NALF1: variants seen among roughly 807,000 people sequenced by gnomAD.
NALF1 encodes family with sequence similarity 155 member A.
NALF1 carries 3 observed loss-of-function variants against 48.4 expected under a neutral mutation model. The observed-to-expected ratio is 0.06, with a 90% CI of 0.03 to 0.16. The LOEUF (loss-of-function observed/expected upper bound fraction) is 0.16, where lower values mean the gene tolerates loss of function less well. NALF1 is among the 10% of genes least tolerant of loss of function. The pLI is 1.00. For synonymous variants in NALF1, 262 were observed against 245.7 expected, an observed-to-expected ratio of 1.07 and a Z score of -0.62; for missense variants, 526 against 571.5, an observed-to-expected ratio of 0.92 and a Z score of 0.81.
At chr13:107,252,267 A>G (rs1880716911) in intron 1 of NALF1, among the ~76,000 whole-genome samples, 1 of 152,156 alleles carries the variant, frequency 6.6e-6, no homozygotes, top group Non-Finnish European at 1.5e-5. Context: ...GTTGGCAAAG[A>G]GTCACGGTTC....
Position 107,512,916 on chromosome 13 carries a change from G to A in NALF1, c.916-302161C>T, listed in dbSNP as rs566244111. Reference sequence around the variant, plus strand: ...AGCCCTGCCTCCAGAGTCGAGTTCCGCCTCTTACCTCAATACCCCAAAAGA... The same window carrying A: ...AGCCCTGCCTCCAGAGTCGAGTTCCACCTCTTACCTCAATACCCCAAAAGA... On this transcript the variant is annotated intron_variant, in intron 1 of 2. Transcript: ENST00000375915. Among the ~76,000 whole-genome samples, 15 of 152,106 alleles carry A rather than the reference G, an allele frequency of 9.9e-5. No homozygotes were observed. The South Asian group carries it at 2.5e-3, about 25-fold the overall frequency.
intron 1 of NALF1, among the ~76,000 whole-genome samples, chr13:107,219,576 T>C (rs954839308): frequency 2.0e-5 from 3 of 152,222 alleles, no homozygotes; most frequent in Non-Finnish European, 4.4e-5. Context: ...GTGTTAGGCT[T>C]TCCTTCTTTT....
intron 1 of NALF1, among the ~76,000 whole-genome samples, chr13:107,618,320 G>T (rs1002724302): frequency 1.3e-5 from 2 of 152,180 alleles, no homozygotes; most frequent in African/African-American, 4.8e-5. Context: ...TGGACCTGGT[G>T]GAAGGTCACT....
At chr13:107,720,818 C>T (rs940198387) in intron 1 of NALF1, among the ~76,000 whole-genome samples, 5 of 152,144 alleles carry the variant, frequency 3.3e-5, no homozygotes, top group African/African-American at 9.7e-5. Context: ...TTACTCCTTC[C>T]TTCTGGATAA....
At chr13:107,714,465 C>T (rs561947096) in intron 1 of NALF1, among the ~76,000 whole-genome samples, 1 of 151,844 alleles carries the variant, frequency 6.6e-6, no homozygotes, top group Middle Eastern at 3.4e-3. Context: ...CTCAGGAGTT[C>T]GAGACCAGCC....
At chr13:107,319,693 T>C (rs746016383) in intron 1 of NALF1, among the ~76,000 whole-genome samples, 1 of 151,952 alleles carries the variant, frequency 6.6e-6, no homozygotes, top group Non-Finnish European at 1.5e-5. Flanking sequence ...TAAATAGGAG[T>C]ACTGAAGGTT....
chr13:107,317,830 A>G (rs977502948), intron 1 of NALF1, among the ~76,000 whole-genome samples: 1 of 152,076 alleles, frequency 6.6e-6, no homozygotes, highest in Non-Finnish European at 1.5e-5. Flanking sequence ...TGAAGCATTA[A>G]AACATAAGAT....
At chr13:107,482,746 A>G (rs1204548121) in intron 1 of NALF1, among the ~76,000 whole-genome samples, 1 of 152,200 alleles carries the variant, frequency 6.6e-6, no homozygotes, top group East Asian at 1.9e-4. Flanking sequence ...GGTCATACAC[A>G]GAAGGGAAAC....
intron 1 of NALF1, among the ~76,000 whole-genome samples, chr13:107,279,627 A>G (rs550391887): frequency 1.3e-5 from 2 of 152,222 alleles, no homozygotes; most frequent in South Asian, 4.1e-4. Context: ...TACTTGCATC[A>G]TCAATCATGT....
At chr13:107,665,706 C>A (rs564884536) in intron 1 of NALF1, among the ~76,000 whole-genome samples, 15 of 151,440 alleles carry the variant, frequency 9.9e-5, no homozygotes, top group Non-Finnish European at 1.9e-4. Context: ...TAAATGCTTT[C>A]AAAAATATTG....
chr13:107,830,638 G>A (rs190710505), intron 1 of NALF1, among the ~76,000 whole-genome samples: 4 of 152,102 alleles, frequency 2.6e-5, no homozygotes, highest in African/African-American at 4.8e-5. Context: ...TCGGGGAGCG[G>A]GGGGAGGATT....
At chr13:107,349,727 G>A (rs192163022) in intron 1 of NALF1, among the ~76,000 whole-genome samples, 18 of 138,256 alleles carry the variant, frequency 1.3e-4, no homozygotes, top group African/African-American at 3.1e-4. Context: ...GCGACAGAGC[G>A]AGAATACGTC....
At chr13:107,784,311 G>GTTTC (rs1878009741) in intron 1 of NALF1, among the ~76,000 whole-genome samples, 1 of 152,140 alleles carries the variant, frequency 6.6e-6, no homozygotes, top group South Asian at 2.1e-4. Context: ...GGTAACTACT[G>GTTTC]AAACAAGCAA....
chr13:107,639,324 C>T (rs9520533), intron 1 of NALF1, among the ~76,000 whole-genome samples: 37,099 of 151,878 alleles, frequency 0.24, 5,121 homozygotes, highest in East Asian at 0.48. Flanking sequence ...CTTTTTCAAA[C>T]GCATCTCTCA....
intron 2 of NALF1, among the ~76,000 whole-genome samples, chr13:107,174,113 G>A (rs1878861888): frequency 1.3e-5 from 2 of 151,842 alleles, no homozygotes; most frequent in Non-Finnish European, 1.5e-5. Context: ...TTTGGGGTAC[G>A]CTTATTTGTT....
chr13:107,280,152 T>C (rs1881359340), intron 1 of NALF1, among the ~76,000 whole-genome samples: 1 of 152,208 alleles, frequency 6.6e-6, no homozygotes. Flanking sequence ...AACTATCACA[T>C]GATCAATACT....
intron 1 of NALF1, among the ~76,000 whole-genome samples, chr13:107,526,406 G>A (rs1027357227): frequency 3.3e-5 from 5 of 152,020 alleles, no homozygotes; most frequent in African/African-American, 1.2e-4. Context: ...ATTGTTTTAT[G>A]TTATCTATGT....
intron 1 of NALF1, among the ~76,000 whole-genome samples, chr13:107,390,138 CAG>C (rs1883598858): frequency 1.3e-5 from 2 of 152,132 alleles, no homozygotes; most frequent in Admixed American, 6.5e-5. Context: ...GGGAGGCTGA[CAG>C]GGGCAGATCG....
At position 107,419,026 on chromosome 13, in the gene NALF1, A is replaced by G. The variant is rs935305651; in HGVS notation, c.916-208271T>C. On this transcript the variant is annotated intron_variant, in intron 1 of 2. Coordinates refer to ENST00000375915, the MANE Select transcript of NALF1 (RefSeq NM_001080396.3). ...AATCATAATTCTACCCAATGCAAAT[A>G]TAAACAAATATAAATAAATAATATG... Among the ~76,000 whole-genome samples the G allele has an allele frequency of 5.3e-5, 8 of 152,340 alleles. No individual in the cohort carries two copies. In the East Asian group the frequency reaches 1.5e-3, roughly 29 times the overall value.
Sources: allele counts gnomAD v4.1 joint callset (sites outside exome capture counted in the v4.1 genomes callset), GRCh38; gene constraint gnomAD v4.1.1; transcripts MANE v1.5; gene names NCBI Gene and HGNC (gene_info 2026-07-23, HGNC 2026-07-21).